Variants in GFRA2 observed in about 807,000 individuals in gnomAD.
GFRA2 encodes the protein GDNF family receptor alpha 2, also known as GDNF family receptor alpha-2.
In GFRA2, 17 loss-of-function variants were observed where a neutral mutation model predicts 48.3. The observed-to-expected ratio is 0.35, with a 90% CI of 0.24 to 0.53. GFRA2 has a LOEUF of 0.53. GFRA2 is among the 20% of genes least tolerant of loss of function. GFRA2 has a pLI of 0.93. For synonymous variants in GFRA2, 305 were observed against 257.2 expected (o/e 1.19, Z -1.78); for missense variants, 660 against 637.3 (o/e 1.04, Z -0.38).
Position 21,750,562 on chromosome 8 carries a change from A to T in GFRA2, c.794+26T>A. On this transcript the variant is annotated intron_variant, in intron 4 of 8. Transcript: ENST00000524240. The surrounding 1 kb of genome is among the most constrained non-coding windows in gnomAD (Gnocchi z 5.7). ...GCAATGCAAGCGCCCTCCTGCCAGC[A>T]CCACCGGGGCTGCCGCGGCACTCAC... 7.1e-7 allele frequency: 1 copy of T among 1,411,424 alleles called. No individual in the cohort carries two copies. Among genetic ancestry groups the T allele is most frequent in the Non-Finnish European group, 9.8e-7 (1 of 1,018,650 alleles). 87.4% of individuals were successfully genotyped at this position (1,411,424 alleles called of 1,614,324 possible).
At chr8:21,777,156 G>T (rs1164254757) in intron 2 of GFRA2, among the ~76,000 whole-genome samples, 4 of 152,178 alleles carry the variant, frequency 2.6e-5, no homozygotes, top group African/African-American at 9.7e-5. Flanking sequence ...CAGCTAACAA[G>T]CGACAGAGCC....
chr8:21,777,537 C>T (rs985374316), intron 2 of GFRA2, among the ~76,000 whole-genome samples: 1 of 152,218 alleles, frequency 6.6e-6, no homozygotes, highest in Non-Finnish European at 1.5e-5. Flanking sequence ...CCACTGAAAC[C>T]AGAGCCAGAA....
chr8:21,781,779 C>G (rs915227061), intron 2 of GFRA2, among the ~76,000 whole-genome samples: 20 of 152,176 alleles, frequency 1.3e-4, no homozygotes, highest in Non-Finnish European at 1.5e-5. Context: ...AATAAATGAA[C>G]ATCTGGTTAC....
At chr8:21,810,364 C>A (rs79010888) in intron 1 of GFRA2, among the ~76,000 whole-genome samples, 12 of 152,190 alleles carry the variant, frequency 7.9e-5, no homozygotes, top group Non-Finnish European at 1.3e-4. Context: ...TGCCCACCCC[C>A]CTCACTGACC....
intron 4 of GFRA2, among the ~76,000 whole-genome samples, chr8:21,744,874 T>C (rs1377288635): frequency 3.3e-5 from 5 of 152,164 alleles, no homozygotes; most frequent in Non-Finnish European, 5.9e-5. Flanking sequence ...CCAAGGTTCC[T>C]GAGATGCAAC....
chr8:21,723,669 G>A (rs28673758), intron 4 of GFRA2, among the ~76,000 whole-genome samples: 10,896 of 152,060 alleles, frequency 0.072, 1,289 homozygotes, highest in African/African-American at 0.25. Context: ...CCACCCCGCA[G>A]GGTCCACTGG....
At chr8:21,742,252 G>C (rs1804783122) in intron 4 of GFRA2, among the ~76,000 whole-genome samples, 1 of 152,200 alleles carries the variant, frequency 6.6e-6, no homozygotes, top group South Asian at 2.1e-4. Context: ...ATTAGGGTTA[G>C]ATGAGGTCAT....
intron 4 of GFRA2, among the ~76,000 whole-genome samples, chr8:21,716,141 G>A (rs571745861): frequency 3.4e-4 from 51 of 152,126 alleles, no homozygotes; most frequent in African/African-American, 1.2e-3. Context: ...TGGCCAACAT[G>A]GCAAAACTCT....
At chr8:21,721,190 TC>T (rs1175178772) in intron 4 of GFRA2, among the ~76,000 whole-genome samples, 1 of 152,170 alleles carries the variant, frequency 6.6e-6, no homozygotes, top group East Asian at 1.9e-4. Flanking sequence ...GCAAAATGTA[TC>T]AATGTTTCAT....
intron 7 of GFRA2, among the ~76,000 whole-genome samples, chr8:21,701,504 T>C (rs912413809): frequency 2.0e-5 from 3 of 152,218 alleles, no homozygotes; most frequent in African/African-American, 7.2e-5. Context: ...TTGGACCCCT[T>C]TGGAGGGTCT....
At chr8:21,745,770 GT>G (rs531564563) in intron 4 of GFRA2, among the ~76,000 whole-genome samples, 1 of 152,284 alleles carries the variant, frequency 6.6e-6, no homozygotes, top group African/African-American at 2.4e-5. Context: ...TGACACTTGG[GT>G]TGGCAAGTCA....
intron 3 of GFRA2, among the ~76,000 whole-genome samples, chr8:21,751,252 C>G (rs148010511): frequency 6.6e-6 from 1 of 152,178 alleles, no homozygotes; most frequent in Non-Finnish European, 1.5e-5. Flanking sequence ...AGGCAAGCAA[C>G]CAGGTGTGTA....
intron 4 of GFRA2, among the ~76,000 whole-genome samples, chr8:21,715,215 G>A (rs1803272011): frequency 6.6e-6 from 1 of 152,184 alleles, no homozygotes; most frequent in Non-Finnish European, 1.5e-5. Context: ...ACTGTACAGT[G>A]GATACTTACT....
At chr8:21,706,300 A>AC in intron 4 of GFRA2, 1 of 605,446 alleles carries the variant, frequency 1.7e-6, no homozygotes, top group Admixed American at 2.2e-5. Context: ...GACAAAAAGG[A>AC]CCCCTCAAGG....
chr8:21,756,499 G>T (rs1805576887), intron 3 of GFRA2, among the ~76,000 whole-genome samples: 1 of 152,140 alleles, frequency 6.6e-6, no homozygotes. Context: ...GAGATGGTGG[G>T]GTCAGGGCTG....
At chr8:21,781,689 T>G (rs1806996370) in intron 2 of GFRA2, among the ~76,000 whole-genome samples, 1 of 151,988 alleles carries the variant, frequency 6.6e-6, no homozygotes, top group African/African-American at 2.4e-5. Context: ...GGGCAGAGGC[T>G]GCATCAGCTT....
rs1019146918 is a variant in GFRA2 at position 21,693,024 on chromosome 8, G to A, written c.*254C>T. ...GTGAAGGGCATTTCTAGAGCCTCGT[G>A]CCCTCCCCGGCACCAGAGTTTCCCC... On this transcript the variant is annotated 3_prime_UTR_variant, in exon 9 of 9. Transcript: ENST00000524240. 1 of 336,612 alleles carries A rather than the reference G, an allele frequency of 3.0e-6. No homozygotes were observed. The highest frequency in any genetic ancestry group is 4.9e-5 in the South Asian group (1 of 20,610). The allele number at this position is 336,612 out of a possible 1,614,324, so 20.9% of individuals were successfully genotyped here.
At chr8:21,807,641 C>T (rs755347713) in intron 1 of GFRA2, among the ~76,000 whole-genome samples, 5 of 152,196 alleles carry the variant, frequency 3.3e-5, no homozygotes, top group Admixed American at 6.5e-5. Context: ...GTCCTCACAT[C>T]GCCTTTCCTC....
chr8:21,694,371 A>T, intron 8 of GFRA2, 93 bp downstream of exon 8: 1 of 1,242,412 alleles, frequency 8.0e-7, no homozygotes, highest in Non-Finnish European at 1.1e-6. Flanking sequence ...ATGCGATGAG[A>T]TTTGAGGGCG....
Sources: allele counts gnomAD v4.1 joint callset (sites outside exome capture counted in the v4.1 genomes callset), GRCh38; gene constraint gnomAD v4.1.1; non-coding constraint Gnocchi (gnomAD v3.1); transcripts MANE v1.5; gene names NCBI Gene and HGNC (gene_info 2026-07-23, HGNC 2026-07-21).